The following C4orf50 variants were observed in gnomAD, a reference collection of about 807,000 sequenced individuals.
C4orf50 encodes chromosome 4 open reading frame 50, also known as uncharacterized protein C4orf50.
In C4orf50, 80 loss-of-function variants were observed where a neutral mutation model predicts 77.2. The observed-to-expected ratio is 1.04, with a 90% CI of 0.87 to 1.25. The LOEUF (loss-of-function observed/expected upper bound fraction) is 1.25, where lower values mean the gene tolerates loss of function less well. Among genes scored for constraint, C4orf50 ranks in the 50% most tolerant of loss-of-function variants. The pLI is 0.00. For synonymous variants in C4orf50, 532 were observed against 465.3 expected, an observed-to-expected ratio of 1.14 and a Z score of -1.84; for missense variants, 1,257 against 1,152.9, an observed-to-expected ratio of 1.09 and a Z score of -1.31.
At chr4:5,911,555 A>G (rs2108730400) in intron 7 of C4orf50, among the ~76,000 whole-genome samples, 1 of 152,334 alleles carries the variant, frequency 6.6e-6, no homozygotes, top group Non-Finnish European at 1.5e-5. Context: ...CATCAGAATG[A>G]CAAAACATGC....
In C4orf50 at chr4:5,989,856, A is replaced by G. The variant is rs1161726270; in HGVS notation, c.2190T>C (p.Asp730=). The G allele has an allele frequency of 2.7e-6, 4 of 1,460,640 alleles. No homozygotes were observed. In the African/African-American group the frequency reaches 5.7e-5, roughly 21 times the overall value. 90.5% of individuals were successfully genotyped at this position (1,460,640 alleles called of 1,614,324 possible). Residue 730 remains aspartate, a synonymous_variant, in exon 28 of 34, where the codon GAT becomes GAC. Transcript: ENST00000531445. ...CGGATGCTTCTTGATGCGGCATCTCATCCTCTTCCTCTAGCCCTTTGTCCT... is the reference window on the plus strand; with the variant it reads ...CGGATGCTTCTTGATGCGGCATCTCGTCCTCTTCCTCTAGCCCTTTGTCCT...
In C4orf50 at chr4:5,919,096, C is replaced by G. The variant is rs1717156540; in HGVS notation, c.*2475-20908G>C. ...CTGGTTGGGACAGACGTGGCTCCCTCTTTCCCAGGTGGGACATTGCTAGTG... is the reference window on the plus strand; with the variant it reads ...CTGGTTGGGACAGACGTGGCTCCCTGTTTCCCAGGTGGGACATTGCTAGTG... On this transcript the variant is annotated intron_variant, in intron 7 of 7. Transcript: ENST00000324058. This position sits in a 1 kb window ranked among gnomAD's most constrained non-coding sequence, Gnocchi z 6.5. Among the ~76,000 whole-genome samples, 1 of 152,188 alleles carries G rather than the reference C, an allele frequency of 6.6e-6. No homozygotes were observed. Among genetic ancestry groups the G allele is most frequent in the African/African-American group, 2.4e-5 (1 of 41,462 alleles).
exon 28 of C4orf50, chr4:5,989,695 G>C (rs1334989675): frequency 3.3e-6 from 5 of 1,536,170 alleles, no homozygotes; most frequent in Non-Finnish European, 4.4e-6. Context: ...ACCATGATCA[G>C]TGGGTTCGGC....
At position 5,919,338 on chromosome 4, in the gene C4orf50, G is replaced by A. The variant is rs907130707; in HGVS notation, c.*2475-21150C>T. 6.6e-6 allele frequency among the ~76,000 whole-genome samples: 1 copy of A among 151,758 alleles called. No individual in the cohort carries two copies. Among genetic ancestry groups the A allele is most frequent in the Non-Finnish European group, 1.5e-5 (1 of 67,962 alleles). On this transcript the variant is annotated intron_variant, in intron 7 of 7. Transcript: ENST00000324058. The surrounding 1 kb of genome is among the most constrained non-coding windows in gnomAD (Gnocchi z 6.5). ...GTTCTAGAAGTCTGGATGAACTGGC[G>A]TGGAGTGTGTATCACCTTCCAGGTG...
At chr4:5,898,625 A>G (rs1340022840) in intron 7 of C4orf50, 1 of 152,246 alleles carries the variant, frequency 6.6e-6, no homozygotes, top group Non-Finnish European at 1.5e-5. Context: ...ACGTCACTGC[A>G]TAGACATTTA....
chr4:5,917,517 G>C (rs764264337), intron 7 of C4orf50, among the ~76,000 whole-genome samples: 20 of 146,256 alleles, frequency 1.4e-4, no homozygotes, highest in Non-Finnish European at 1.9e-4. Context: ...GGGTTCAAGC[G>C]ATACTCCTGC....
chr4:5,935,772 G>T (rs28471672), intron 7 of C4orf50, among the ~76,000 whole-genome samples: 30,495 of 136,032 alleles, frequency 0.22, 4,745 homozygotes, highest in African/African-American at 0.45. Context: ...GGCGACAGAG[G>T]GAGACTCCGT....
At chr4:5,939,819 C>G (rs1246108327) in intron 7 of C4orf50, among the ~76,000 whole-genome samples, 1 of 152,196 alleles carries the variant, frequency 6.6e-6, no homozygotes, top group Admixed American at 6.5e-5. Context: ...CTCAGAAGAT[C>G]TCCCCTCTCC....
chr4:5,959,499 T>A (rs758221846), exon 34 of C4orf50: 1 of 1,614,168 alleles, frequency 6.2e-7, no homozygotes, highest in African/African-American at 1.3e-5. Flanking sequence ...TGGGACGTTA[T>A]CGACTTGGAG....
chr4:5,943,452 C>T (rs958201084), intron 7 of C4orf50, among the ~76,000 whole-genome samples: 6 of 152,206 alleles, frequency 3.9e-5, no homozygotes, highest in African/African-American at 9.7e-5. Flanking sequence ...CCTGAAGGTC[C>T]GAATTCCAGG....
rs367846542 is a variant in C4orf50 at position 5,967,485 on chromosome 4, G to A, written c.4105-23C>T. On this transcript the variant is annotated intron_variant, in intron 31 of 33. Coordinates refer to ENST00000531445, the Ensembl canonical transcript of C4orf50. Reference sequence around the variant, plus strand: ...TGTCTGCAAGAAAAGACATCTTGGCGGTTATTCTGCATGGCACTGGAGAGA... The same window carrying A: ...TGTCTGCAAGAAAAGACATCTTGGCAGTTATTCTGCATGGCACTGGAGAGA... The A allele has an allele frequency of 9.5e-5, 153 of 1,611,160 alleles. 1 individual carries two copies. The African/African-American group carries it at 1.8e-3, about 19-fold the overall frequency.
chr4:5,909,956 T>A (rs1420357440), intron 7 of C4orf50, among the ~76,000 whole-genome samples: 2 of 152,238 alleles, frequency 1.3e-5, no homozygotes, highest in Admixed American at 1.3e-4. Flanking sequence ...CCAGCATTTT[T>A]TCCCCCCTCA....
chr4:6,014,595 C>G (rs1722611397), intron 23 of C4orf50, among the ~76,000 whole-genome samples: 1 of 152,242 alleles, frequency 6.6e-6, no homozygotes, highest in African/African-American at 2.4e-5. Context: ...TAGACCCAAA[C>G]ACATTGCAAC....
chr4:5,975,185 C>T (rs1226041596), intron 30 of C4orf50, among the ~76,000 whole-genome samples: 1 of 123,424 alleles, frequency 8.1e-6, no homozygotes, highest in Admixed American at 9.6e-5. Context: ...AAAACTACAT[C>T]ACAGTGTTTG....
At chr4:5,990,136 T>C in exon 28 of C4orf50, 1 of 1,267,488 alleles carries the variant, frequency 7.9e-7, no homozygotes, top group South Asian at 3.6e-5. Context: ...TTCGGGACCC[T>C]CCTTTGATAC....
chr4:5,961,464 C>T (rs982371681), intron 33 of C4orf50, among the ~76,000 whole-genome samples: 2 of 152,222 alleles, frequency 1.3e-5, no homozygotes, highest in African/African-American at 2.4e-5. Context: ...TATGTCGTTC[C>T]AAGCACTTTC....
chr4:5,972,186 G>A (rs548974513), intron 31 of C4orf50, among the ~76,000 whole-genome samples: 1 of 152,050 alleles, frequency 6.6e-6, no homozygotes, highest in South Asian at 2.1e-4. Context: ...TGTATTTTTA[G>A]TAGAGACGGG....
intron 28 of C4orf50, among the ~76,000 whole-genome samples, chr4:5,981,179 A>G (rs535457827): frequency 1.3e-5 from 2 of 152,046 alleles, no homozygotes; most frequent in Non-Finnish European, 2.9e-5. Flanking sequence ...CTCCCTTAAC[A>G]CCGTGTTCTG....
chr4:5,943,040 C>T (rs1718328818), intron 7 of C4orf50, among the ~76,000 whole-genome samples: 1 of 152,076 alleles, frequency 6.6e-6, no homozygotes, highest in Non-Finnish European at 1.5e-5. Flanking sequence ...CTCTGCTGTG[C>T]CAGGCTTGGT....
Sources: gnomAD v4.1 joint callset for allele counts (sites outside exome capture counted in the v4.1 genomes callset) on GRCh38, gnomAD v4.1.1 for gene constraint, Gnocchi (gnomAD v3.1) non-coding constraint, MANE v1.5 for transcripts, NCBI Gene and HGNC (gene_info 2026-07-23, HGNC 2026-07-21) for gene names.